The following GPC6 variants were observed in gnomAD, a reference collection of about 807,000 sequenced individuals.
GPC6 encodes the protein glypican-6.
In GPC6, 14 loss-of-function variants were observed where a neutral mutation model predicts 55.2. That is an observed-to-expected ratio of 0.25 (90% CI 0.17 to 0.40). The LOEUF (loss-of-function observed/expected upper bound fraction) is 0.40. Ranked by LOEUF, GPC6 falls within the 10% of genes least tolerant of loss-of-function variation. The probability of loss-of-function intolerance (pLI) is 1.00; values close to 1 mark genes in which losing one functional copy is unlikely to be tolerated. For missense variants in GPC6, 641 were observed against 708.5 expected (o/e 0.90, Z 1.08); for synonymous variants, 278 against 259.6 (o/e 1.07, Z -0.68).
chr13:94,343,104 T>TC (rs1334360407), intron 6 of GPC6, among the ~76,000 whole-genome samples: 8 of 152,122 alleles, frequency 5.3e-5, no homozygotes, highest in African/African-American at 1.9e-4. Flanking sequence ...AGATTACATT[T>TC]CCCCCATGTA....
In GPC6 at chr13:94,102,270, G is replaced by GA. The variant is rs1344354761; in HGVS notation, c.877+74376_877+74377insA. ...CAGGACTCTCCCAAAGCTGTGTTTA[G>GA]GTAGGAAGAATACATGTTACTGACA... is the stretch of plus-strand genomic sequence containing the variant. On this transcript the variant is annotated intron_variant, in intron 4 of 8. Coordinates refer to ENST00000377047, the MANE Select transcript of GPC6 (RefSeq NM_005708.5). Among the ~76,000 whole-genome samples, 5 of 152,168 alleles carry GA rather than the reference G, an allele frequency of 3.3e-5. No homozygotes were observed. In the East Asian group the frequency reaches 9.7e-4, roughly 29 times the overall value.
At chr13:93,831,610 A>G (rs1216144382) in intron 3 of GPC6, among the ~76,000 whole-genome samples, 1 of 151,516 alleles carries the variant, frequency 6.6e-6, no homozygotes, top group African/African-American at 2.4e-5. Context: ...TAGCATAAAG[A>G]TGGTGTGTAC....
At chr13:93,719,022 C>T (rs544734527) in intron 2 of GPC6, among the ~76,000 whole-genome samples, 1 of 152,100 alleles carries the variant, frequency 6.6e-6, no homozygotes, top group Admixed American at 6.6e-5. Flanking sequence ...AGCATGATGC[C>T]TCCAGCTCTG....
At chr13:93,838,853 C>G (rs942391636) in intron 3 of GPC6, among the ~76,000 whole-genome samples, 3 of 152,112 alleles carry the variant, frequency 2.0e-5, no homozygotes, top group Non-Finnish European at 2.9e-5. Context: ...TGTTTGGGAA[C>G]AGTTGTCTGC....
At chr13:93,519,308 TTACATATGCA>T (rs1881319066) in intron 1 of GPC6, among the ~76,000 whole-genome samples, 1 of 152,006 alleles carries the variant, frequency 6.6e-6, no homozygotes, top group South Asian at 2.1e-4. Context: ...ATAGAAGATG[TTACATATGCA>T]AACATGCACA....
rs768240364 is a variant in GPC6 at position 94,271,362 on chromosome 13, ACACACG to A, written c.878-14985_878-14980del. Among the ~76,000 whole-genome samples, 267 of 97,982 alleles carry A rather than the reference ACACACG, an allele frequency of 2.7e-3. 2 individuals carry two copies. Among genetic ancestry groups the A allele is most frequent in the Non-Finnish European group, 2.4e-3 (114 of 47,226 alleles). 64.3% of individuals were successfully genotyped at this position (97,982 alleles called of 152,430 possible). The stretch of plus-strand genomic sequence containing the variant: ...TGCCTCACACTTGTTAAATACACAC[ACACACG>A]CGCGCGCGCGCGCGCACACACACAC... On this transcript the variant is annotated intron_variant, in intron 4 of 8. Transcript: ENST00000377047.
At chr13:93,539,520 C>G (rs559102580) in intron 1 of GPC6, among the ~76,000 whole-genome samples, 1 of 152,090 alleles carries the variant, frequency 6.6e-6, no homozygotes, top group Admixed American at 6.6e-5. Flanking sequence ...TCCATAGAGT[C>G]GGGCTCACGC....
rs970317244 is a variant in GPC6, at chr13:93,621,049, CA to C, written c.319+75629del. Among the ~76,000 whole-genome samples the C allele has an allele frequency of 3.3e-5, 5 of 152,268 alleles. No individual in the cohort carries two copies. In the South Asian group the frequency reaches 8.3e-4, roughly 25 times the overall value. On this transcript the variant is annotated intron_variant, in intron 2 of 8. Transcript: ENST00000377047. ...TGAACAGAAAATTTGTCCACTGTAA[CA>C]GTTATGGTGGTGACGAATTGCAATA...
chr13:93,218,459 T>A, the GPC6 span, among the ~76,000 whole-genome samples: 2 of 152,214 alleles, frequency 1.3e-5, no homozygotes, highest in Non-Finnish European at 2.9e-5. Context: ...CAGTGCTATT[T>A]TCCTATCCAT....
intron 4 of GPC6, among the ~76,000 whole-genome samples, chr13:94,166,169 G>A (rs558716709): frequency 8.7e-4 from 132 of 152,200 alleles, no homozygotes; most frequent in Admixed American, 2.2e-3. Context: ...CTTGGTTATC[G>A]TCATCCCATG....
chr13:93,951,284 A>G (rs1378497777), intron 3 of GPC6, among the ~76,000 whole-genome samples: 2 of 152,106 alleles, frequency 1.3e-5, no homozygotes, highest in Admixed American at 6.5e-5. Context: ...AATCTGTTCA[A>G]CTTACCAAGC....
At chr13:93,804,327 T>A (rs1189130064) in intron 2 of GPC6, among the ~76,000 whole-genome samples, 3 of 152,188 alleles carry the variant, frequency 2.0e-5, no homozygotes, top group African/African-American at 7.2e-5. Flanking sequence ...GCTTGATGAT[T>A]TGTAATTGTT....
chr13:93,782,403 T>C (rs1349493447), intron 2 of GPC6, among the ~76,000 whole-genome samples: 2 of 152,198 alleles, frequency 1.3e-5, no homozygotes, highest in African/African-American at 2.4e-5. Context: ...GGGTTGTGCG[T>C]ACATCTCTTG....
chr13:93,708,820 A>G (rs1236813737), intron 2 of GPC6, among the ~76,000 whole-genome samples: 3 of 151,778 alleles, frequency 2.0e-5, no homozygotes, highest in Non-Finnish European at 4.4e-5. Context: ...AGGGAAACCA[A>G]CTTAGAAACT....
chr13:94,121,427 TCA>T (rs1886625755), intron 4 of GPC6, among the ~76,000 whole-genome samples: 1 of 152,082 alleles, frequency 6.6e-6, no homozygotes, highest in Non-Finnish European at 1.5e-5. Context: ...CATCCAAATC[TCA>T]GTTTATTAAA....
At chr13:93,498,423 A>G (rs951456304) in intron 1 of GPC6, among the ~76,000 whole-genome samples, 1 of 152,076 alleles carries the variant, frequency 6.6e-6, no homozygotes, top group Non-Finnish European at 1.5e-5. Context: ...AAAACATCTT[A>G]TTGTCTGACC....
intron 4 of GPC6, among the ~76,000 whole-genome samples, chr13:94,106,530 TGAGGGAGGATGGGAAGGAGA>T (rs1886060478): frequency 6.7e-6 from 1 of 150,250 alleles, no homozygotes; most frequent in South Asian, 2.1e-4. Context: ...GTGAGGGAAG[TGAGGGAGGATGGGAAGGAGA>T]GAGGGAGGGA....
chr13:93,806,081 A>T (rs9516293), intron 2 of GPC6, among the ~76,000 whole-genome samples: 57,262 of 151,660 alleles, frequency 0.38, 11,687 homozygotes, highest in African/African-American at 0.54. Context: ...TTCAGTATTA[A>T]ATCAGCTACA....
chr13:93,835,579 C>G (rs1393604160), intron 3 of GPC6, among the ~76,000 whole-genome samples: 1 of 152,066 alleles, frequency 6.6e-6, no homozygotes, highest in Non-Finnish European at 1.5e-5. Flanking sequence ...ATGGAGAAAC[C>G]CTGTCTCTAC....
Sources: allele counts gnomAD v4.1 joint callset (sites outside exome capture counted in the v4.1 genomes callset), GRCh38; gene constraint gnomAD v4.1.1; transcripts MANE v1.5; gene names NCBI Gene and HGNC (gene_info 2026-07-23, HGNC 2026-07-21).